Variants in MINAR1 observed in about 807,000 individuals in gnomAD.
MINAR1 encodes major intrinsically disordered Notch2-binding receptor 1.
MINAR1 carries 40 observed loss-of-function variants against 65.1 expected under a neutral mutation model. The observed-to-expected ratio is 0.61, with a 90% CI of 0.48 to 0.80. The LOEUF (loss-of-function observed/expected upper bound fraction) is 0.80, where lower values mean the gene tolerates loss of function less well. Ranked by LOEUF, MINAR1 falls within the 30% of genes least tolerant of loss-of-function variation. MINAR1 has a pLI of 0.00. For missense variants in MINAR1, 1,128 were observed against 1,148.0 expected (o/e 0.98, Z 0.25); for synonymous variants, 482 against 449.1 (o/e 1.07, Z -0.93).
At chr15:79,466,065 G>A (rs182780057) in intron 3 of MINAR1, among the ~76,000 whole-genome samples, 1 of 152,144 alleles carries the variant, frequency 6.6e-6, no homozygotes. Context: ...TCTTGCAAAG[G>A]CTGAAGGGTT....
chr15:79,458,642 A>G (rs1378571059), intron 2 of MINAR1, among the ~76,000 whole-genome samples, 197 bp downstream of exon 2: 4 of 152,246 alleles, frequency 2.6e-5, no homozygotes, highest in Non-Finnish European at 5.9e-5. Flanking sequence ...CAGGTTGTCC[A>G]TCAGCTAGGA....
intron 1 of MINAR1, among the ~76,000 whole-genome samples, chr15:79,439,341 TGTGTGTGTGG>T (rs1894791398): frequency 9.8e-5 from 4 of 40,896 alleles, no homozygotes; most frequent in Non-Finnish European, 2.1e-4. Flanking sequence ...GGGTAGGCAG[TGTGTGTGTGG>T]GTAATGAGAT....
Position 79,456,599 on chromosome 15 carries a change from C to G in MINAR1, c.452C>G (p.Pro151Arg), listed in dbSNP as rs766240984. 2 of 1,614,154 alleles carry G rather than the reference C, an allele frequency of 1.2e-6. No homozygotes were observed. Among genetic ancestry groups the G allele is most frequent in the East Asian group, 4.5e-5 (2 of 44,876 alleles). The change falls in exon 2 of 4, where the codon CCC becomes CGC. Residue 151 changes from proline (P) to arginine (R), a missense_variant. Transcript: ENST00000305428. ...LSERSFSRGY[P>R]IRQSSKCRKM... ...GAGAGGTCTTTCAGCCGGGGCTACC[C>G]CATCAGGCAGTCGTCCAAGTGCCGG...
chr15:79,449,275 C>T (rs948160147), intron 1 of MINAR1, among the ~76,000 whole-genome samples: 2 of 152,214 alleles, frequency 1.3e-5, no homozygotes, highest in African/African-American at 2.4e-5. Context: ...CTCTAACACC[C>T]ACTTTGTCAG....
upstream of MINAR1, among the ~76,000 whole-genome samples, chr15:79,432,246 C>G (rs949601882): frequency 3.9e-5 from 6 of 152,132 alleles, no homozygotes; most frequent in Admixed American, 1.3e-4. Flanking sequence ...CAGAGGAGTC[C>G]GAGCGCCCCC....
At chr15:79,459,646 G>C (rs907141456) in intron 2 of MINAR1, among the ~76,000 whole-genome samples, 32 of 152,178 alleles carry the variant, frequency 2.1e-4, no homozygotes, top group African/African-American at 7.7e-4. Context: ...GGAGGAGGCC[G>C]AGCTCCTCAA....
chr15:79,456,038 A>G (rs1366088919), intron 1 of MINAR1, 60 bp from the exon 2 acceptor site: 5 of 1,056,170 alleles, frequency 4.7e-6, no homozygotes, highest in South Asian at 1.7e-5. Flanking sequence ...CTTGACTTCA[A>G]ACTCCACTGG....
At chr15:79,451,987 GGAGA>G (rs1056235807) in intron 1 of MINAR1, among the ~76,000 whole-genome samples, 4 of 152,144 alleles carry the variant, frequency 2.6e-5, no homozygotes, top group Admixed American at 6.5e-5. Context: ...GAGACACCTA[GGAGA>G]GAAAGAGTGT....
chr15:79,418,684 AG>A, the MINAR1 span: 1 of 152,552 alleles, frequency 6.6e-6, no homozygotes, highest in Admixed American at 6.5e-5. Flanking sequence ...CTTTGTCAAA[AG>A]GTGGCAAAAG....
chr15:79,453,634 G>T (rs1895315463), intron 1 of MINAR1, among the ~76,000 whole-genome samples: 1 of 152,176 alleles, frequency 6.6e-6, no homozygotes, highest in African/African-American at 2.4e-5. Flanking sequence ...AAATCTGGGT[G>T]CAGTTTCTCT....
intron 1 of MINAR1, among the ~76,000 whole-genome samples, chr15:79,448,484 C>T (rs970872678): frequency 6.6e-6 from 1 of 152,320 alleles, no homozygotes. Context: ...CACCAAATCA[C>T]AGTAGCAACC....
At chr15:79,452,828 A>T (rs1895278578) in intron 1 of MINAR1, among the ~76,000 whole-genome samples, 1 of 127,816 alleles carries the variant, frequency 7.8e-6, no homozygotes, top group African/African-American at 3.0e-5. Flanking sequence ...TGAAGCTGTC[A>T]GTGTGTCTGC....
the MINAR1 span, chr15:79,414,760 C>T: frequency 6.6e-6 from 1 of 152,202 alleles, no homozygotes; most frequent in South Asian, 2.1e-4. Flanking sequence ...CCTAGAGGGG[C>T]ACTTGGGTTC....
upstream of MINAR1, among the ~76,000 whole-genome samples, chr15:79,431,516 G>GC (rs1567046940): frequency 6.7e-6 from 1 of 149,970 alleles, no homozygotes; most frequent in East Asian, 1.9e-4. Context: ...TGTGTGTGTG[G>GC]GGGGGGAGAG....
At chr15:79,467,555 G>A (rs1022320470) in intron 3 of MINAR1, among the ~76,000 whole-genome samples, 9 of 152,138 alleles carry the variant, frequency 5.9e-5, no homozygotes, top group African/African-American at 1.2e-4. Flanking sequence ...AAGCTGCACC[G>A]AGTCTGAAAC....
intron 3 of MINAR1, among the ~76,000 whole-genome samples, chr15:79,467,469 G>T (rs992145064): frequency 2.0e-5 from 3 of 152,172 alleles, no homozygotes; most frequent in Admixed American, 6.5e-5. Flanking sequence ...GTTAAATATG[G>T]TATTTCTCCT....
At chr15:79,435,565 C>T (rs1409104068) in intron 1 of MINAR1, among the ~76,000 whole-genome samples, 2 of 152,176 alleles carry the variant, frequency 1.3e-5, no homozygotes, top group Non-Finnish European at 2.9e-5. Context: ...CTGGGAGGAC[C>T]ATAACTTTTT....
At chr15:79,458,582 G>T (rs965013407) in intron 2 of MINAR1, 137 bp downstream of exon 2, 6 of 1,100,490 alleles carry the variant, frequency 5.5e-6, no homozygotes, top group Admixed American at 5.5e-5. Flanking sequence ...GTTTGGCAGG[G>T]TTTTCACATT....
chr15:79,456,434 T>A lies in MINAR1; in HGVS notation c.287T>A (p.Met96Lys). Reference sequence around the variant, plus strand: ...GTGACGATATTCAACCTGATCCAAATGAATGGCGGGGCTGCCAAGGAGAAG... The same window carrying A: ...GTGACGATATTCAACCTGATCCAAAAGAATGGCGGGGCTGCCAAGGAGAAG... The part of the protein sequence containing the change: ...DIVTIFNLIQ[M>K]NGGAAKEKLP... Residue 96 changes from methionine to lysine, a missense_variant, in exon 2 of 4, where the codon ATG (methionine) becomes AAG (lysine). Coordinates refer to ENST00000305428, the MANE Select transcript of MINAR1 (RefSeq NM_015206.3). 6.2e-7 allele frequency: 1 copy of A among 1,614,118 alleles called. No individual in the cohort carries two copies. The highest frequency in any genetic ancestry group is 8.5e-7 in the Non-Finnish European group (1 of 1,180,022).
Sources: allele counts gnomAD v4.1 joint callset (sites outside exome capture counted in the v4.1 genomes callset), GRCh38; gene constraint gnomAD v4.1.1; transcripts MANE v1.5; gene names NCBI Gene and HGNC (gene_info 2026-07-23, HGNC 2026-07-21).